The following RMDN2 variants were observed in gnomAD, a reference collection of about 807,000 sequenced individuals.
RMDN2 encodes the protein regulator of microtubule dynamics 2, also known as regulator of microtubule dynamics protein 2.
Under a neutral mutation model 52.8 loss-of-function variants are expected in RMDN2, and 61 were observed. That is an observed-to-expected ratio of 1.16 (90% CI 0.94 to 1.43). The LOEUF (loss-of-function observed/expected upper bound fraction) is 1.43. Ranked by LOEUF, RMDN2 falls within the 40% of genes most tolerant of loss-of-function variation. The pLI is 0.00. For missense variants in RMDN2, 592 were observed against 475.3 expected (o/e 1.25, Z -2.28); for synonymous variants, 180 against 153.1 (o/e 1.18, Z -1.30).
At chr2:37,943,929 A>G (rs1330070322) in intron 2 of RMDN2, among the ~76,000 whole-genome samples, 1 of 152,180 alleles carries the variant, frequency 6.6e-6, no homozygotes, top group Non-Finnish European at 1.5e-5. Flanking sequence ...CACCTAAGAA[A>G]AAACGATGGT....
At chr2:37,945,226 T>C (rs1668125701) in intron 2 of RMDN2, among the ~76,000 whole-genome samples, 1 of 152,206 alleles carries the variant, frequency 6.6e-6, no homozygotes, top group African/African-American at 2.4e-5. Context: ...TCTGTAAATA[T>C]AATAACCAAT....
At chr2:37,989,763 C>G in intron 6 of RMDN2, 147 bp downstream of exon 6, 1 of 529,208 alleles carries the variant, frequency 1.9e-6, no homozygotes, top group Non-Finnish European at 3.3e-6. Context: ...TGGGAATTTG[C>G]TTTTTTGTTT....
chr2:37,982,200 A>G (rs986342685), intron 5 of RMDN2, among the ~76,000 whole-genome samples: 1 of 152,130 alleles, frequency 6.6e-6, no homozygotes, highest in Non-Finnish European at 1.5e-5. Flanking sequence ...CATTTGTCCC[A>G]CAGAAGACTC....
At chr2:37,970,825 C>G (rs1671715559) in intron 2 of RMDN2, among the ~76,000 whole-genome samples, 1 of 152,044 alleles carries the variant, frequency 6.6e-6, no homozygotes, top group Middle Eastern at 3.2e-3. Context: ...TTATTTGTTA[C>G]CATAAAGCTC....
chr2:38,007,956 T>A (rs926594191), intron 10 of RMDN2, among the ~76,000 whole-genome samples: 1 of 152,174 alleles, frequency 6.6e-6, no homozygotes, highest in African/African-American at 2.4e-5. Flanking sequence ...CCTTCATTTC[T>A]TTATGTACCC....
chr2:37,996,899 T>C (rs1675627580), intron 7 of RMDN2, among the ~76,000 whole-genome samples: 1 of 152,194 alleles, frequency 6.6e-6, no homozygotes, highest in African/African-American at 2.4e-5. Flanking sequence ...CCCCATTCCC[T>C]GCTCCTTCTG....
At chr2:37,977,454 G>A (rs1479276357) in intron 4 of RMDN2, among the ~76,000 whole-genome samples, 1 of 151,328 alleles carries the variant, frequency 6.6e-6, no homozygotes, top group African/African-American at 2.4e-5. Context: ...CGGGGCGGCT[G>A]GCTGGGCGGG....
chr2:37,930,053 T>C (rs1370615336), intron 2 of RMDN2, among the ~76,000 whole-genome samples: 1 of 152,246 alleles, frequency 6.6e-6, no homozygotes, highest in African/African-American at 2.4e-5. Flanking sequence ...GAGAATTCTC[T>C]AGACCACTCC....
At chr2:37,952,033 G>A (rs181416529) in intron 2 of RMDN2, 1 of 1,613,432 alleles carries the variant, frequency 6.2e-7, no homozygotes, top group Admixed American at 1.7e-5. Context: ...TCTCAAAGTG[G>A]AACTTTCCCA....
At chr2:37,981,459 A>G in intron 5 of RMDN2, 116 bp downstream of exon 5, 1 of 682,760 alleles carries the variant, frequency 1.5e-6, no homozygotes, top group Non-Finnish European at 2.6e-6. Context: ...ACATTCACTG[A>G]AAAATATGTA....
At position 37,973,647 on chromosome 2, in the gene RMDN2, T is replaced by C. The variant is rs143276577; in HGVS notation, c.453-393T>C. Among the ~76,000 whole-genome samples the C allele has an allele frequency of 7.2e-5, 11 of 152,108 alleles. No individual in the cohort carries two copies. The East Asian group carries it at 1.4e-3, about 19-fold the overall frequency. On this transcript the variant is annotated intron_variant, in intron 2 of 10. Transcript: ENST00000354545. ...ATTAGAGTGGTCTGGATGGGCCACA[T>C]TGAGAAAATGAAATTGGAGCAGAGA...
At chr2:37,936,910 T>A (rs1313808170) in intron 2 of RMDN2, among the ~76,000 whole-genome samples, 1 of 152,244 alleles carries the variant, frequency 6.6e-6, no homozygotes, top group African/African-American at 2.4e-5. Flanking sequence ...AGATCCCATT[T>A]GTCAATTTTG....
At chr2:38,060,677 A>G (rs181668953) in intron 10 of RMDN2, among the ~76,000 whole-genome samples, 27 of 152,314 alleles carry the variant, frequency 1.8e-4, no homozygotes, top group African/African-American at 6.3e-4. Context: ...GGACACCAGC[A>G]GCTTTCAGTA....
intron 5 of RMDN2, among the ~76,000 whole-genome samples, chr2:37,988,356 T>A (rs1023942129): frequency 6.6e-6 from 1 of 152,214 alleles, no homozygotes; most frequent in Admixed American, 6.5e-5. Flanking sequence ...TGAGTAGTAG[T>A]GTATCCTAAT....
chr2:38,050,049 C>G (rs1481406025), intron 10 of RMDN2, among the ~76,000 whole-genome samples: 1 of 152,160 alleles, frequency 6.6e-6, no homozygotes, highest in Non-Finnish European at 1.5e-5. Flanking sequence ...CCTTATTTAT[C>G]TCCATTTTAC....
At chr2:37,958,939 A>C (rs1036309822) in intron 2 of RMDN2, among the ~76,000 whole-genome samples, 1 of 150,952 alleles carries the variant, frequency 6.6e-6, no homozygotes, top group Non-Finnish European at 1.5e-5. Context: ...GATTCTGTTT[A>C]TGTGATGGAT....
intron 5 of RMDN2, among the ~76,000 whole-genome samples, chr2:37,983,869 A>G (rs1673645698): frequency 6.6e-6 from 1 of 152,208 alleles, no homozygotes; most frequent in African/African-American, 2.4e-5. Flanking sequence ...TAGCCTGCAG[A>G]TGAATTTGAC....
intron 5 of RMDN2, among the ~76,000 whole-genome samples, chr2:37,989,259 T>C (rs1239677836): frequency 6.6e-6 from 1 of 152,166 alleles, no homozygotes; most frequent in Non-Finnish European, 1.5e-5. Context: ...TTATTGAAAG[T>C]CCTTATGTCC....
At chr2:38,058,665 C>G (rs1681931786) in intron 10 of RMDN2, among the ~76,000 whole-genome samples, 1 of 152,212 alleles carries the variant, frequency 6.6e-6, no homozygotes, top group Admixed American at 6.5e-5. Context: ...GTCTTCCTTA[C>G]TTTTATCAAG....
Sources: allele counts gnomAD v4.1 joint callset (sites outside exome capture counted in the v4.1 genomes callset), GRCh38; gene constraint gnomAD v4.1.1; transcripts MANE v1.5; gene names NCBI Gene and HGNC (gene_info 2026-07-23, HGNC 2026-07-21).